Variants in DISP1 observed in about 807,000 individuals in gnomAD.
DISP1 encodes the protein dispatched RND transporter family member 1, also known as protein dispatched homolog 1.
DISP1 carries 30 observed loss-of-function variants against 37.3 expected under a neutral mutation model. That is an observed-to-expected ratio of 0.80 (90% CI 0.60 to 1.09). DISP1 has a LOEUF of 1.09. DISP1 is among the 50% of genes least tolerant of loss of function. The pLI is 0.00. For synonymous variants in DISP1, 634 were observed against 690.2 expected, an observed-to-expected ratio of 0.92 and a Z score of 1.28; for missense variants, 1,598 against 1,879.5, an observed-to-expected ratio of 0.85 and a Z score of 2.77.
chr1:222,880,019 A>G (rs966170194), intron 1 of DISP1, among the ~76,000 whole-genome samples: 1 of 152,162 alleles, frequency 6.6e-6, no homozygotes, highest in Non-Finnish European at 1.5e-5. Flanking sequence ...CTTGCATCAA[A>G]GGTATTACCA....
chr1:222,916,133 C>A (rs1672482296), intron 1 of DISP1, among the ~76,000 whole-genome samples: 2 of 152,272 alleles, frequency 1.3e-5, no homozygotes, highest in African/African-American at 2.4e-5. Flanking sequence ...GTGGATTTTT[C>A]TTCTCTAAAA....
At chr1:222,862,035 C>G (rs1379135619) in intron 1 of DISP1, among the ~76,000 whole-genome samples, 1 of 152,180 alleles carries the variant, frequency 6.6e-6, no homozygotes, top group African/African-American at 2.4e-5. Context: ...CTGAGCAACC[C>G]TTTTAAGACT....
At chr1:222,958,789 G>A (rs1236624601) in intron 3 of DISP1, among the ~76,000 whole-genome samples, 9 of 151,940 alleles carry the variant, frequency 5.9e-5, no homozygotes, top group Non-Finnish European at 1.5e-5. Context: ...TCCCATAAAG[G>A]TTTCAAAATG....
At chr1:222,886,240 G>A (rs1326696155) in intron 1 of DISP1, among the ~76,000 whole-genome samples, 5 of 152,292 alleles carry the variant, frequency 3.3e-5, no homozygotes, top group African/African-American at 1.2e-4. Flanking sequence ...TCTGAACAGT[G>A]AGTGTTGACA....
intron 3 of DISP1, among the ~76,000 whole-genome samples, chr1:222,956,223 G>C (rs1469771361): frequency 1.3e-5 from 2 of 152,120 alleles, no homozygotes; most frequent in Admixed American, 1.3e-4. Flanking sequence ...TCCATGACCT[G>C]ACACTGAAAG....
intron 8 of DISP1, among the ~76,000 whole-genome samples, chr1:223,000,148 G>A (rs1342221848): frequency 6.6e-6 from 1 of 152,144 alleles, no homozygotes; most frequent in Non-Finnish European, 1.5e-5. Flanking sequence ...GCAACTACAG[G>A]TATTTTCCTT....
At chr1:222,873,180 T>A (rs556509474) in intron 1 of DISP1, among the ~76,000 whole-genome samples, 88 of 152,136 alleles carry the variant, frequency 5.8e-4, no homozygotes, top group African/African-American at 2.0e-3. Flanking sequence ...TGCTGAGGAG[T>A]GCTTTACTTC....
chr1:222,889,409 T>C (rs1276828545), intron 1 of DISP1, among the ~76,000 whole-genome samples: 1 of 152,088 alleles, frequency 6.6e-6, no homozygotes, highest in Non-Finnish European at 1.5e-5. Flanking sequence ...GCCTCCTGTT[T>C]AAAGGGAACT....
chr1:222,867,953 G>C (rs1254881784), intron 1 of DISP1, among the ~76,000 whole-genome samples: 3 of 152,164 alleles, frequency 2.0e-5, no homozygotes, highest in Non-Finnish European at 2.9e-5. Context: ...TAAAGAGAAA[G>C]GGGAATTTTA....
At position 223,003,633 on chromosome 1, in the gene DISP1, T is replaced by C; in HGVS notation, c.2236T>C (p.Ser746Pro). Residue 746 changes from serine (S) to proline (P), a missense_variant, in exon 9 of 9, where the codon TCA becomes CCA. Ser to Pro is a moderately conservative substitution (Grantham distance 74, BLOSUM62 -1). Transcript: ENST00000675850. This position sits in a 1 kb window ranked among gnomAD's most constrained non-coding sequence, Gnocchi z 4.3. Reference sequence around the variant, plus strand: ...TATAAATCCAAAGATGAAACTGCCCTCACTGGAGTTATCCGAGTTCCAGGT... The same window carrying C: ...TATAAATCCAAAGATGAAACTGCCCCCACTGGAGTTATCCGAGTTCCAGGT... ...VCINPKMKLP[S>P]LELSEFQVFR... 4 of 1,614,192 alleles carry C rather than the reference T, an allele frequency of 2.5e-6. No homozygotes were observed. Among genetic ancestry groups the C allele is most frequent in the Non-Finnish European group, 3.4e-6 (4 of 1,180,034 alleles).
chr1:222,983,101 G>A lies in DISP1; in HGVS notation c.531G>A (p.Leu177=), dbSNP rs1677959304. 2 of 1,590,038 alleles carry A rather than the reference G, an allele frequency of 1.3e-6. No homozygotes were observed. The highest frequency in any genetic ancestry group is 1.7e-5 in the Admixed American group (1 of 59,230). The stretch of plus-strand genomic sequence containing the variant: ...TCAGACCATCCAGACCTTTCAAGTT[G>A]CCAAAAAGGTAAAGTAATCTGGGTC... The part of the protein sequence containing the change: ...ANIRPSRPFK[L]PKSYAALIAD... The change falls in exon 4 of 9, where the codon TTG becomes TTA. Residue 177 remains leucine (L), a synonymous_variant. Transcript: ENST00000675850.
intron 1 of DISP1, among the ~76,000 whole-genome samples, chr1:222,861,311 A>C (rs773381420): frequency 6.6e-6 from 1 of 152,032 alleles, no homozygotes; most frequent in Non-Finnish European, 1.5e-5. Flanking sequence ...CTTTATTGCA[A>C]CCTTCATGAT....
At chr1:222,863,428 T>A (rs978165243) in intron 1 of DISP1, among the ~76,000 whole-genome samples, 35 of 151,630 alleles carry the variant, frequency 2.3e-4, no homozygotes, top group African/African-American at 8.2e-4. Context: ...GGAGGCTGAG[T>A]TGAGAGGACC....
intron 1 of DISP1, among the ~76,000 whole-genome samples, chr1:222,917,990 C>T (rs35947021): frequency 0.12 from 18,252 of 152,206 alleles, 1,399 homozygotes; most frequent in Non-Finnish European, 0.16. Flanking sequence ...TCTTATAACA[C>T]GGTTCCCCTC....
chr1:222,906,567 A>T (rs778308631), intron 1 of DISP1, among the ~76,000 whole-genome samples: 8 of 152,244 alleles, frequency 5.3e-5, no homozygotes, highest in Non-Finnish European at 1.0e-4. Context: ...AAACTCGCCA[A>T]AACCAAGATG....
At chr1:222,915,171 G>T (rs931440147) in intron 1 of DISP1, among the ~76,000 whole-genome samples, 2 of 152,120 alleles carry the variant, frequency 1.3e-5, no homozygotes, top group African/African-American at 4.8e-5. Context: ...AAAAGCAATT[G>T]TTTCCAAAAG....
chr1:222,972,762 G>C (rs1177889979), intron 3 of DISP1, among the ~76,000 whole-genome samples: 1 of 152,072 alleles, frequency 6.6e-6, no homozygotes, highest in Admixed American at 6.6e-5. Context: ...CGTAATGTTT[G>C]TACTGTACCT....
intron 1 of DISP1, chr1:222,837,152 T>G: frequency 2.5e-6 from 1 of 398,066 alleles, no homozygotes; most frequent in Non-Finnish European, 4.4e-6. Flanking sequence ...GGTCATCTTC[T>G]TAAAGAAAAA....
intron 3 of DISP1, among the ~76,000 whole-genome samples, chr1:222,954,784 G>A (rs1675472277): frequency 6.6e-6 from 1 of 152,062 alleles, no homozygotes; most frequent in African/African-American, 2.4e-5. Flanking sequence ...CGAGGCAGGA[G>A]GATCACTTGA....
Sources: allele counts gnomAD v4.1 joint callset (sites outside exome capture counted in the v4.1 genomes callset), GRCh38; gene constraint gnomAD v4.1.1; non-coding constraint Gnocchi (gnomAD v3.1); transcripts MANE v1.5; gene names NCBI Gene and HGNC (gene_info 2026-07-23, HGNC 2026-07-21).